The following JPH1 variants were observed in gnomAD, a reference collection of about 807,000 sequenced individuals.
JPH1 encodes the protein junctophilin-1.
In JPH1, 12 loss-of-function variants were observed where a neutral mutation model predicts 53.6. The observed-to-expected ratio is 0.22, with a 90% CI of 0.14 to 0.36. JPH1 has a LOEUF of 0.36. Among genes scored for constraint, JPH1 ranks in the 10% least tolerant of loss-of-function variants. JPH1 has a pLI of 1.00. For synonymous variants in JPH1, 375 were observed against 363.8 expected (o/e 1.03, Z -0.35); for missense variants, 808 against 905.5 (o/e 0.89, Z 1.38).
chr8:74,251,674 T>C (rs1468480909), intron 3 of JPH1, among the ~76,000 whole-genome samples: 1 of 152,208 alleles, frequency 6.6e-6, no homozygotes, highest in African/African-American at 2.4e-5. Flanking sequence ...GCAACCTTTT[T>C]TTCTACTTCT....
intron 2 of JPH1, among the ~76,000 whole-genome samples, chr8:74,272,466 T>C (rs1207874791): frequency 3.3e-5 from 5 of 152,084 alleles, no homozygotes; most frequent in Non-Finnish European, 5.9e-5. Flanking sequence ...AACAGTAAAT[T>C]ATAAATATGA....
rs1586779456 is a variant in JPH1 at position 74,315,517 on chromosome 8, G to C, written c.483C>G (p.Thr161=). ...GCTCGCTGCGCAGCGAGGCCAGCGA[G>C]GTACGCAGCGGTGAGCGGATCACCG... The part of the protein sequence containing the change: ...MATVIRSPLR[T]SLASLRSEQS... The change falls in exon 2 of 6, where the codon ACC becomes ACG. Residue 161 remains threonine, a synonymous_variant. Transcript: ENST00000342232. This position sits in a 1 kb window ranked among gnomAD's most constrained non-coding sequence, Gnocchi z 6.3. 6.2e-7 allele frequency: 1 copy of C among 1,604,724 alleles called. No individual in the cohort carries two copies. The highest frequency in any genetic ancestry group is 8.5e-7 in the Non-Finnish European group (1 of 1,176,828).
At chr8:74,250,274 A>T (rs2131382675) in intron 3 of JPH1, among the ~76,000 whole-genome samples, 1 of 152,190 alleles carries the variant, frequency 6.6e-6, no homozygotes, top group South Asian at 2.1e-4. Context: ...CTGGGATTAC[A>T]GGCATGTACT....
intron 2 of JPH1, among the ~76,000 whole-genome samples, chr8:74,313,478 TAATA>T (rs1651598170): frequency 6.6e-6 from 1 of 151,368 alleles, no homozygotes; most frequent in Non-Finnish European, 1.5e-5. Flanking sequence ...ATATATAATA[TAATA>T]TATATCTAAA....
At chr8:74,314,686 C>T (rs1808089051) in intron 2 of JPH1, among the ~76,000 whole-genome samples, 175 bp downstream of exon 2, 1 of 152,222 alleles carries the variant, frequency 6.6e-6, no homozygotes, top group Admixed American at 6.5e-5. Context: ...AGTTTCAGAA[C>T]AGTGCAGGTA....
chr8:74,236,400 C>T lies in JPH1; in HGVS notation c.*651G>A, dbSNP rs1054304775. 7.2e-5 allele frequency: 11 copies of T among 152,494 alleles called. No homozygotes were observed. Among genetic ancestry groups the T allele is most frequent in the African/African-American group, 2.7e-4 (11 of 41,402 alleles). The allele number at this position is 152,494 out of a possible 1,614,324, so 9.4% of individuals were successfully genotyped here. A position where few individuals can be genotyped will look rare whatever the true frequency, so the allele number is the denominator to read the frequency against. ...CTATACGTCAGATTTAAATAAACAG[C>T]AAAAATGAACAGAGTCGTGCACAAG... is the stretch of plus-strand genomic sequence containing the variant. On this transcript the variant is annotated 3_prime_UTR_variant, in exon 6 of 6. Coordinates refer to ENST00000342232, the MANE Select transcript of JPH1 (RefSeq NM_020647.4).
chr8:74,314,638 G>A (rs189455565), intron 2 of JPH1, among the ~76,000 whole-genome samples: 31 of 152,282 alleles, frequency 2.0e-4, no homozygotes, highest in African/African-American at 7.2e-4. Flanking sequence ...AACAGGAAGG[G>A]GAGCTCAAAG....
At chr8:74,296,488 A>C (rs1807526002) in intron 2 of JPH1, among the ~76,000 whole-genome samples, 1 of 152,220 alleles carries the variant, frequency 6.6e-6, no homozygotes, top group East Asian at 1.9e-4. Context: ...CAGGCTTCTA[A>C]AAGTTATTTA....
At chr8:74,267,255 C>T (rs928975104) in intron 2 of JPH1, among the ~76,000 whole-genome samples, 1 of 152,092 alleles carries the variant, frequency 6.6e-6, no homozygotes, top group African/African-American at 2.4e-5. Flanking sequence ...TGGTTGAACT[C>T]ACCAAATAAG....
intron 2 of JPH1, among the ~76,000 whole-genome samples, chr8:74,312,503 G>A (rs1808027033): frequency 6.6e-6 from 1 of 152,202 alleles, no homozygotes; most frequent in Non-Finnish European, 1.5e-5. Context: ...TTCTGCCTCA[G>A]CATACCAAAG....
chr8:74,303,354 T>C (rs1807738456), intron 2 of JPH1, among the ~76,000 whole-genome samples: 1 of 152,172 alleles, frequency 6.6e-6, no homozygotes, highest in Admixed American at 6.5e-5. Context: ...TCCCTTCCTG[T>C]CTGGTATCCT....
chr8:74,285,690 C>T (rs564714768), intron 2 of JPH1, among the ~76,000 whole-genome samples: 1 of 152,302 alleles, frequency 6.6e-6, no homozygotes, highest in Admixed American at 6.5e-5. Flanking sequence ...TGTGCTCAGA[C>T]CCCCTGGGGA....
chr8:74,297,266 T>G (rs1272239784), intron 2 of JPH1, among the ~76,000 whole-genome samples: 1 of 152,208 alleles, frequency 6.6e-6, no homozygotes, highest in African/African-American at 2.4e-5. Flanking sequence ...AAGCAGGGAC[T>G]TGCCATCACC....
chr8:74,251,091 T>C (rs988714622), intron 3 of JPH1, among the ~76,000 whole-genome samples: 2 of 152,202 alleles, frequency 1.3e-5, no homozygotes, highest in Admixed American at 6.5e-5. Flanking sequence ...CAGGGTGATC[T>C]TGCCAGTAAA....
chr8:74,262,082 T>C (rs1473070168), intron 2 of JPH1, among the ~76,000 whole-genome samples: 1 of 152,178 alleles, frequency 6.6e-6, no homozygotes, highest in African/African-American at 2.4e-5. Flanking sequence ...GGAGGACCTT[T>C]CTATCCAGCC....
At chr8:74,275,458 G>T (rs1806819665) in intron 2 of JPH1, among the ~76,000 whole-genome samples, 1 of 152,176 alleles carries the variant, frequency 6.6e-6, no homozygotes, top group Admixed American at 6.5e-5. Context: ...CAATAAACAA[G>T]ATGTCATCTT....
chr8:74,312,781 T>G (rs1292583446), intron 2 of JPH1, among the ~76,000 whole-genome samples: 1 of 152,126 alleles, frequency 6.6e-6, no homozygotes, highest in Non-Finnish European at 1.5e-5. Context: ...TTAAGTGAGA[T>G]CATGCAGTAT....
chr8:74,281,773 G>A (rs1273405869), intron 2 of JPH1, among the ~76,000 whole-genome samples: 1 of 152,010 alleles, frequency 6.6e-6, no homozygotes, highest in Admixed American at 6.6e-5. Context: ...TTAGGTCATG[G>A]GATAAATCTT....
In JPH1 at chr8:74,244,870, C is replaced by T. The variant is rs753741728; in HGVS notation, c.1564G>A (p.Glu522Lys). Residue 522 changes from glutamate (E) to lysine (K), a missense_variant, in exon 4 of 6, where the codon GAG becomes AAG. Physicochemically the swap from Glu to Lys is moderately conservative, Grantham distance 56. Transcript: ENST00000342232. ...KPLMSKAPTK[E>K]AGAVVPQSKY... ...GACTGGGGCACAACCGCTCCTGCCT[C>T]CTTCGTGGGAGCCTTTGACATCAAG... The T allele has an allele frequency of 6.8e-6, 11 of 1,614,178 alleles. No homozygotes were observed. The South Asian group carries it at 1.2e-4, about 18-fold the overall frequency.
Sources: allele counts gnomAD v4.1 joint callset (sites outside exome capture counted in the v4.1 genomes callset), GRCh38; gene constraint gnomAD v4.1.1; non-coding constraint Gnocchi (gnomAD v3.1); transcripts MANE v1.5; gene names NCBI Gene and HGNC (gene_info 2026-07-23, HGNC 2026-07-21).